Variants in MCU observed in about 807,000 individuals in gnomAD.
MCU encodes the protein mitochondrial calcium uniporter, also known as calcium uniporter protein, mitochondrial.
A neutral mutation model predicts 45.2 loss-of-function variants in MCU; 12 were observed. The observed-to-expected ratio is 0.27, with a 90% CI of 0.17 to 0.43. MCU has a LOEUF of 0.43. Ranked by LOEUF, MCU falls within the 20% of genes least tolerant of loss-of-function variation. The pLI is 1.00. For missense variants in MCU, 324 were observed against 436.7 expected (o/e 0.74, Z 2.30); for synonymous variants, 160 against 165.1 (o/e 0.97, Z 0.24).
intron 4 of MCU, among the ~76,000 whole-genome samples, chr10:72,861,418 GTTGGGTTTTTTTGT>G (rs1383496201): frequency 2.0e-5 from 3 of 151,614 alleles, no homozygotes; most frequent in Non-Finnish European, 4.4e-5. Context: ...ATAAAGAATT[GTTGGGTTTTTTTGT>G]TTGGGTTTTT....
At chr10:72,692,660 G>A in intron 1 of MCU, 1 of 1,187,858 alleles carries the variant, frequency 8.4e-7, no homozygotes, top group Non-Finnish European at 1.0e-6. Flanking sequence ...CCTGAACGGA[G>A]CCAGATGGAA....
At chr10:72,837,074 G>A (rs1465280095) in intron 2 of MCU, among the ~76,000 whole-genome samples, 1 of 152,040 alleles carries the variant, frequency 6.6e-6, no homozygotes. Flanking sequence ...CTGCTTTTCA[G>A]TAATTGCTTG....
chr10:72,706,122 A>G (rs996371603), intron 1 of MCU, among the ~76,000 whole-genome samples: 2 of 151,434 alleles, frequency 1.3e-5, no homozygotes, highest in Non-Finnish European at 2.9e-5. Flanking sequence ...TTAATTTTTC[A>G]TTTTTATAAT....
At chr10:72,777,883 C>T (rs1242141503) in intron 1 of MCU, among the ~76,000 whole-genome samples, 1 of 152,162 alleles carries the variant, frequency 6.6e-6, no homozygotes, top group Non-Finnish European at 1.5e-5. Flanking sequence ...GATTCAAACA[C>T]ATTTCTTGAA....
intron 1 of MCU, chr10:72,692,634 C>T (rs992010615): frequency 3.5e-6 from 4 of 1,135,684 alleles, no homozygotes; most frequent in Non-Finnish European, 3.2e-6. Flanking sequence ...TTCTTAACAG[C>T]CCTGCCCCAA....
chr10:72,869,031 G>T (rs1260428778), intron 5 of MCU, among the ~76,000 whole-genome samples, 168 bp downstream of exon 5: 1 of 152,178 alleles, frequency 6.6e-6, no homozygotes, highest in African/African-American at 2.4e-5. Context: ...CTAAGAAAGG[G>T]CTTGAAAAGG....
chr10:72,856,877 G>A (rs958335914), intron 2 of MCU, among the ~76,000 whole-genome samples: 1 of 146,228 alleles, frequency 6.8e-6, no homozygotes, highest in Non-Finnish European at 1.5e-5. Flanking sequence ...TTGGGAGCTC[G>A]AGTCTGCAGT....
chr10:72,829,902 A>G (rs991579011), intron 1 of MCU, among the ~76,000 whole-genome samples: 1 of 152,236 alleles, frequency 6.6e-6, no homozygotes, highest in African/African-American at 2.4e-5. Flanking sequence ...GTTTAAAGAA[A>G]TAAAAGGACT....
chr10:72,782,215 G>C (rs573487585), intron 1 of MCU, among the ~76,000 whole-genome samples: 1 of 152,300 alleles, frequency 6.6e-6, no homozygotes, highest in East Asian at 1.9e-4. Context: ...TATAGAGTTA[G>C]AGCGATACTT....
intron 5 of MCU, among the ~76,000 whole-genome samples, chr10:72,870,371 C>T (rs1845522343): frequency 6.6e-6 from 1 of 152,194 alleles, no homozygotes; most frequent in Non-Finnish European, 1.5e-5. Context: ...CTCCACCTCC[C>T]GGGTTCACGC....
chr10:72,713,323 A>G (rs1842917647), intron 1 of MCU, among the ~76,000 whole-genome samples: 1 of 152,142 alleles, frequency 6.6e-6, no homozygotes, highest in South Asian at 2.1e-4. Flanking sequence ...CTTGTTCTCT[A>G]GGCTGGAATG....
chr10:72,859,723 A>G (rs896257410), intron 3 of MCU, among the ~76,000 whole-genome samples: 6 of 152,248 alleles, frequency 3.9e-5, no homozygotes, highest in African/African-American at 1.2e-4. Context: ...AAAGTTTGCC[A>G]AAATAAAGAA....
chr10:72,780,074 C>T (rs1843965629), intron 1 of MCU, among the ~76,000 whole-genome samples: 1 of 152,074 alleles, frequency 6.6e-6, no homozygotes, highest in African/African-American at 2.4e-5. Context: ...GTGGTATATC[C>T]ATACGATGGA....
chr10:72,859,294 G>A lies in MCU; in HGVS notation c.338G>A (p.Arg113Gln), dbSNP rs374215875. ...PISDSVGVFL[R>Q]QLQEEDRGID... ...TCTGACTCTGTTGGTGTATTTTTACGACAACTGCAAGAAGAGGATCGGGGA... is the reference window on the plus strand; with the variant it reads ...TCTGACTCTGTTGGTGTATTTTTACAACAACTGCAAGAAGAGGATCGGGGA... Residue 113 changes from arginine to glutamine, a missense_variant, in exon 3 of 8, where the codon CGA becomes CAA. Arg to Gln is a conservative substitution (Grantham distance 43). Around this residue, in one of 4 missense-constraint regions of MCU, gnomAD observed 135 missense variants for 207.3 expected, o/e 0.65. Coordinates refer to ENST00000373053, the MANE Select transcript of MCU (RefSeq NM_138357.3). 1.5e-5 allele frequency: 24 copies of A among 1,613,768 alleles called. No individual in the cohort carries two copies. Among genetic ancestry groups the A allele is most frequent in the Middle Eastern group, 1.7e-4 (1 of 6,060 alleles).
At chr10:72,730,066 TCTC>T (rs1843151625) in intron 1 of MCU, among the ~76,000 whole-genome samples, 1 of 150,988 alleles carries the variant, frequency 6.6e-6, no homozygotes, top group Admixed American at 6.6e-5. Context: ...TTCAAGCAAT[TCTC>T]CTGCCTCAGC....
At chr10:72,780,592 A>G (rs925461566) in intron 1 of MCU, among the ~76,000 whole-genome samples, 2 of 148,028 alleles carry the variant, frequency 1.4e-5, no homozygotes, top group Non-Finnish European at 3.0e-5. Flanking sequence ...AACTGTTGTC[A>G]TCATTTGTTA....
intron 1 of MCU, among the ~76,000 whole-genome samples, chr10:72,833,063 A>G (rs1844903392): frequency 6.6e-6 from 1 of 152,150 alleles, no homozygotes; most frequent in African/African-American, 2.4e-5. Flanking sequence ...GCCCTACCAG[A>G]TACTGAAATA....
chr10:72,717,812 A>T (rs1456245514), intron 1 of MCU, among the ~76,000 whole-genome samples: 1 of 152,158 alleles, frequency 6.6e-6, no homozygotes, highest in Non-Finnish European at 1.5e-5. Context: ...GCGTTTTGAA[A>T]GGAGTTTAGC....
At chr10:72,756,485 G>C (rs1843578743) in intron 1 of MCU, 1 of 152,140 alleles carries the variant, frequency 6.6e-6, no homozygotes, top group Non-Finnish European at 1.5e-5. Flanking sequence ...AGCCAATTTG[G>C]GGGGCCTCTC....
Sources: gnomAD v4.1 joint callset for allele counts (sites outside exome capture counted in the v4.1 genomes callset) on GRCh38, gnomAD v4.1.1 for gene constraint, gnomAD v4.1.1 regional missense constraint, MANE v1.5 for transcripts, NCBI Gene and HGNC (gene_info 2026-07-23, HGNC 2026-07-21) for gene names.